The following HYOU1 variants were observed in gnomAD, a reference collection of about 807,000 sequenced individuals.
HYOU1 encodes the protein hypoxia up-regulated 1.
Under a neutral mutation model 120.5 loss-of-function variants are expected in HYOU1, and 40 were observed. The observed-to-expected ratio is 0.33, with a 90% confidence interval of 0.26 to 0.43. HYOU1 has a LOEUF of 0.43. Among genes scored for constraint, HYOU1 ranks in the 20% least tolerant of loss-of-function variants. The pLI is 1.00. For synonymous variants in HYOU1, 501 were observed against 479.4 expected (o/e 1.05, Z -0.59); for missense variants, 1,085 against 1,278.3 (o/e 0.85, Z 2.31).
At chr11:119,056,496 C>T (rs1373234488) in intron 1 of HYOU1, 1 of 419,842 alleles carries the variant, frequency 2.4e-6, no homozygotes, top group Non-Finnish European at 4.6e-6. Context: ...AGCACTGTGC[C>T]TGTTGTCAGA....
At position 119,055,311 on chromosome 11, in the gene HYOU1, C is replaced by G. The variant is rs150918294; in HGVS notation, c.293G>C (p.Arg98Pro). The G allele has an allele frequency of 1.2e-6, 2 of 1,613,826 alleles. No individual in the cohort carries two copies. The highest frequency in any genetic ancestry group is 1.7e-6 in the Non-Finnish European group (2 of 1,179,832). Reference protein sequence around the residue: ...MAIKNPKATLRYFQHLLGKQA... With the variant: ...MAIKNPKATLPYFQHLLGKQA... ...CTTCCCCAGGAGGTGCTGGAAGTAACGTAGCGTAGCCTTTGGATTCTTAAT... is the reference window on the plus strand; with the variant it reads ...CTTCCCCAGGAGGTGCTGGAAGTAAGGTAGCGTAGCCTTTGGATTCTTAAT... The change falls in exon 5 of 26, where the codon CGT (arginine) becomes CCT (proline). Residue 98 changes from arginine (R) to proline (P), a missense_variant. Transcript: ENST00000617285. This position sits in a 1 kb window ranked among gnomAD's most constrained non-coding sequence, Gnocchi z 4.0.
intron 22 of HYOU1, 45 bp from the exon 23 acceptor site, chr11:119,046,847 G>A: frequency 1.3e-6 from 2 of 1,587,198 alleles, no homozygotes; most frequent in Non-Finnish European, 1.7e-6. Context: ...CATGGAGAGA[G>A]CAGACATCTC....
Position 119,052,813 on chromosome 11 carries a change from C to A in HYOU1, c.811G>T (p.Gly271Trp), listed in dbSNP as rs1944523494. ...AGCCGGAGCTCCATCTCCAGGCCCC[C>A]CAGGGTACGGTCAAATCTGTTGAGA... ...IRGVGFDRTLGGLEMELRLRE... is the reference protein window; with the variant it reads ...IRGVGFDRTLWGLEMELRLRE... Residue 271 changes from glycine to tryptophan, a missense_variant, in exon 9 of 26, where the codon GGG becomes TGG. Gly to Trp is a radical substitution (Grantham distance 184, BLOSUM62 -2). Coordinates refer to ENST00000617285, the MANE Select transcript of HYOU1 (RefSeq NM_006389.5). This position sits in a 1 kb window ranked among gnomAD's most constrained non-coding sequence, Gnocchi z 5.0. 1 of 1,613,656 alleles carries A rather than the reference C, an allele frequency of 6.2e-7. No individual in the cohort carries two copies. The highest frequency in any genetic ancestry group is 1.7e-5 in the Admixed American group (1 of 59,898).
rs1201136298 is a variant in HYOU1, at chr11:119,045,427, C to T, written c.*166G>A. 3 of 738,610 alleles carry T rather than the reference C, an allele frequency of 4.1e-6. No individual in the cohort carries two copies. The highest frequency in any genetic ancestry group is 7.3e-6 in the Non-Finnish European group (3 of 408,284). 45.8% of individuals were successfully genotyped at this position (738,610 alleles called of 1,614,324 possible). A position where few individuals can be genotyped will look rare whatever the true frequency, so the allele number is the denominator to read the frequency against. On this transcript the variant is annotated 3_prime_UTR_variant, in exon 26 of 26. Transcript: ENST00000617285. ...ACCACAGAGGTACTGCAGAAGGAAC[C>T]AGTGAGCTGTCCCTCCCTTCCCCTT... is the stretch of plus-strand genomic sequence containing the variant.
Position 119,048,149 on chromosome 11 carries a change from C to T in HYOU1, c.2377-69G>A. 6.2e-7 allele frequency: 1 copy of T among 1,611,548 alleles called. No homozygotes were observed. Among genetic ancestry groups the T allele is most frequent in the Non-Finnish European group, 8.5e-7 (1 of 1,179,462 alleles). ...CAGAGCCTGGAGTCAGCCCCATGTC[C>T]TTCTTTATGGGCTCAAGCCCCAGCT... On this transcript the variant is annotated intron_variant, in intron 20 of 25. Coordinates refer to ENST00000617285, the MANE Select transcript of HYOU1 (RefSeq NM_006389.5). This position sits in a 1 kb window ranked among gnomAD's most constrained non-coding sequence, Gnocchi z 4.7.
In HYOU1 at chr11:119,055,423, A is replaced by C. The variant is rs1944696249; in HGVS notation, c.264+70T>G. ...TCTTACATCACAGAGACTGATAAGG[A>C]AACAGACTCTGGGGGCTGCCATCTC... On this transcript the variant is annotated intron_variant, in intron 4 of 25. Transcript: ENST00000617285. The surrounding 1 kb of genome is among the most constrained non-coding windows in gnomAD (Gnocchi z 4.0). 1 of 1,602,692 alleles carries C rather than the reference A, an allele frequency of 6.2e-7. No individual in the cohort carries two copies.
At chr11:119,049,439 G>A in intron 16 of HYOU1, 117 bp downstream of exon 16, 1 of 1,564,818 alleles carries the variant, frequency 6.4e-7, no homozygotes, top group Non-Finnish European at 8.8e-7. Flanking sequence ...GGATCCTGGG[G>A]AGTGAATGGT....
chr11:119,055,964 G>C lies in HYOU1; in HGVS notation c.91+106C>G. The stretch of plus-strand genomic sequence containing the variant: ...AGATGGCAAAAGACAAAAAGGCCTG[G>C]ACCTAACAACTCAAGAGACTTCTGG... On this transcript the variant is annotated intron_variant, in intron 2 of 25. Transcript: ENST00000617285. The surrounding 1 kb of genome is among the most constrained non-coding windows in gnomAD (Gnocchi z 4.0). The C allele has an allele frequency of 3.7e-6, 5 of 1,355,908 alleles. No individual in the cohort carries two copies. The highest frequency in any genetic ancestry group is 1.7e-5 in the Admixed American group (1 of 58,814). The allele number at this position is 1,355,908 out of a possible 1,614,324, so 84.0% of individuals were successfully genotyped here. A position where few individuals can be genotyped will look rare whatever the true frequency, so the allele number is the denominator to read the frequency against.
At position 119,045,501 on chromosome 11, in the gene HYOU1, C is replaced by T; in HGVS notation, c.*92G>A. The T allele has an allele frequency of 2.6e-6, 3 of 1,137,826 alleles. No homozygotes were observed. Among genetic ancestry groups the T allele is most frequent in the Admixed American group, 3.4e-5 (2 of 59,372 alleles). The allele number at this position is 1,137,826 out of a possible 1,614,324, so 70.5% of individuals were successfully genotyped here. On this transcript the variant is annotated 3_prime_UTR_variant, in exon 26 of 26. Transcript: ENST00000617285. ...GTGAGAAAGGAACTCCAGCCGAGGG[C>T]AGGACCAACCCCTCCCCCAACCCTC...
At position 119,045,599 on chromosome 11, in the gene HYOU1, T is replaced by C. The variant is rs1304572206; in HGVS notation, c.2994A>G (p.Glu998=). The stretch of plus-strand genomic sequence containing the variant: ...GGGAAAACAGAGGTGGGGGTTATAG[T>C]TCGTCGTTCTTCAAAGGCCGCTTCT... ...TGQKRPLKND[E]L The change falls in exon 26 of 26, where the codon GAA becomes GAG. Residue 998 remains glutamate, a synonymous_variant. Coordinates refer to ENST00000617285, the MANE Select transcript of HYOU1 (RefSeq NM_006389.5). The C allele has an allele frequency of 1.2e-6, 2 of 1,614,072 alleles. No homozygotes were observed. Among genetic ancestry groups the C allele is most frequent in the Middle Eastern group, 1.6e-4 (1 of 6,062 alleles).
Position 119,054,623 on chromosome 11 carries a change from G to A in HYOU1, c.549C>T (p.Ala183=), listed in dbSNP as rs2133606360. 1.6e-5 allele frequency: 26 copies of A among 1,613,886 alleles called. No homozygotes were observed. The highest frequency in any genetic ancestry group is 2.7e-5 in the African/African-American group (2 of 74,898). Residue 183 remains alanine (A), a synonymous_variant, in exon 7 of 26, where the codon GCC becomes GCT. Transcript: ENST00000617285. ...VITVPVFFNQ[A]ERRAVLQAAR... is the part of the protein sequence containing the mutation. ...CAGCCTGCAGCACAGCTCGGCGCTC[G>A]GCCTGGTTGAAGAAGACTGGCACGG...
chr11:119,056,370 A>G, intron 1 of HYOU1: 1 of 661,426 alleles, frequency 1.5e-6, no homozygotes, highest in Non-Finnish European at 2.8e-6. Flanking sequence ...CAAAGGCCCA[A>G]GTGAAAGAGC....
In HYOU1 at chr11:119,053,837, C is replaced by G. The variant is rs139105573; in HGVS notation, c.794+284G>C. On this transcript the variant is annotated intron_variant, in intron 8 of 25. Transcript: ENST00000617285. ...TATTTAACTGGAAATGACAAGAGAA[C>G]AAAAACATGATTGAATCTGACACCC... 783 of 304,416 alleles carry G rather than the reference C, an allele frequency of 2.6e-3. 2 individuals carry two copies. Among genetic ancestry groups the G allele is most frequent in the Non-Finnish European group, 3.8e-3 (626 of 164,784 alleles). The allele number at this position is 304,416 out of a possible 1,614,324, so 18.9% of individuals were successfully genotyped here. A position where few individuals can be genotyped will look rare whatever the true frequency, so the allele number is the denominator to read the frequency against.
chr11:119,048,468 C>T lies in HYOU1; in HGVS notation c.2253+8G>A. 1 of 1,613,822 alleles carries T rather than the reference C, an allele frequency of 6.2e-7. No homozygotes were observed. Among genetic ancestry groups the T allele is most frequent in the Non-Finnish European group, 8.5e-7 (1 of 1,179,960 alleles). On this transcript the variant is annotated splice_region_variant and intron_variant, in intron 19 of 25. Coordinates refer to ENST00000617285, the MANE Select transcript of HYOU1 (RefSeq NM_006389.5). The surrounding 1 kb of genome is among the most constrained non-coding windows in gnomAD (Gnocchi z 4.7). ...CAGTGGGGGGGCTGCTGCCTCCTGC[C>T]CACTGACCTGGGTCTCAAATATGAA...
chr11:119,051,632 A>G lies in HYOU1; in HGVS notation c.1339-7T>C, dbSNP rs1170022297. On this transcript the variant is annotated splice_region_variant and splice_polypyrimidine_tract_variant and intron_variant, in intron 12 of 25. Transcript: ENST00000617285. The surrounding 1 kb of genome is among the most constrained non-coding windows in gnomAD (Gnocchi z 4.2). ...CCTCCCTCGTGAACTCCACCTACAC[A>G]GCAGGCAGACAGAGGCACACTGTTG... is the stretch of plus-strand genomic sequence containing the variant. 3 of 1,613,938 alleles carry G rather than the reference A, an allele frequency of 1.9e-6. No individual in the cohort carries two copies. In the African/African-American group the frequency reaches 4.0e-5, roughly 22 times the overall value.
At position 119,048,831 on chromosome 11, in the gene HYOU1, C is replaced by T; in HGVS notation, c.2048G>A (p.Gly683Glu). The T allele has an allele frequency of 6.2e-7, 1 of 1,614,044 alleles. No individual in the cohort carries two copies. The highest frequency in any genetic ancestry group is 8.5e-7 in the Non-Finnish European group (1 of 1,179,982). The change falls in exon 18 of 26, where the codon GGA becomes GAA. Residue 683 changes from glycine to glutamate, a missense_variant. Gly to Glu is a moderately conservative substitution (Grantham distance 98). This residue lies in a region of HYOU1 where 516 missense variants were observed against 517.1 expected (regional missense o/e 1.00). Transcript: ENST00000617285. This position sits in a 1 kb window ranked among gnomAD's most constrained non-coding sequence, Gnocchi z 4.7. ...GPEGVAPAPE[G>E]EKKQKPARKR... Reference sequence around the variant, plus strand: ...CCTGGCGGGCTTCTGCTTCTTCTCTCCCTCTGGGGCTGGAGCGACGCCCTC... The same window carrying T: ...CCTGGCGGGCTTCTGCTTCTTCTCTTCCTCTGGGGCTGGAGCGACGCCCTC...
intron 14 of HYOU1, among the ~76,000 whole-genome samples, chr11:119,050,427 A>C (rs1171378828): frequency 6.6e-6 from 1 of 152,000 alleles, no homozygotes; most frequent in Non-Finnish European, 1.5e-5. Context: ...AATAATAATA[A>C]GTGGATTCCT....
chr11:119,051,260 CA>C lies in HYOU1; in HGVS notation c.1527-88del, dbSNP rs1944420744. 1 of 1,568,146 alleles carries C rather than the reference CA, an allele frequency of 6.4e-7. No individual in the cohort carries two copies. The highest frequency in any genetic ancestry group is 8.7e-7 in the Non-Finnish European group (1 of 1,148,126). On this transcript the variant is annotated intron_variant, in intron 13 of 25. Coordinates refer to ENST00000617285, the MANE Select transcript of HYOU1 (RefSeq NM_006389.5). The surrounding 1 kb of genome is among the most constrained non-coding windows in gnomAD (Gnocchi z 4.2). ...TACATGGCCTCCTGGCACAAGGTGT[CA>C]GGGGCACTCCCCAAGGGCACACTCA...
At chr11:119,049,701 G>T in intron 15 of HYOU1, 66 bp from the exon 16 acceptor site, 1 of 1,608,018 alleles carries the variant, frequency 6.2e-7, no homozygotes, top group Non-Finnish European at 8.5e-7. Context: ...TCTAACCCAA[G>T]GGCCATGCCC....
Sources: gnomAD v4.1 joint callset for allele counts (sites outside exome capture counted in the v4.1 genomes callset) on GRCh38, gnomAD v4.1.1 for gene constraint, gnomAD v4.1.1 regional missense constraint, Gnocchi (gnomAD v3.1) non-coding constraint, MANE v1.5 for transcripts, NCBI Gene and HGNC (gene_info 2026-07-23, HGNC 2026-07-21) for gene names.